Variants in PRRC2C observed in about 807,000 individuals in gnomAD.
PRRC2C encodes the protein proline rich coiled-coil 2C.
In PRRC2C, 72 loss-of-function variants were observed where a neutral mutation model predicts 317.2. That is an observed-to-expected ratio of 0.23 (90% CI 0.19 to 0.28). The LOEUF (loss-of-function observed/expected upper bound fraction) is 0.28. Ranked by LOEUF, PRRC2C falls within the 10% of genes least tolerant of loss-of-function variation. The pLI, the probability that PRRC2C is intolerant of heterozygous loss-of-function variation, is 1.00. For missense variants in PRRC2C, 3,074 were observed against 3,459.7 expected, an observed-to-expected ratio of 0.89 and a Z score of 2.80; for synonymous variants, 1,296 against 1,205.9, an observed-to-expected ratio of 1.07 and a Z score of -1.55.
chr1:171,546,605 G>T (rs1055871391), intron 17 of PRRC2C, among the ~76,000 whole-genome samples: 4 of 152,074 alleles, frequency 2.6e-5, no homozygotes, highest in African/African-American at 9.7e-5. Flanking sequence ...TTGTTTGTTT[G>T]TTTGTTTGTT....
chr1:171,507,625 C>G (rs1211049197), intron 1 of PRRC2C, among the ~76,000 whole-genome samples: 1 of 151,920 alleles, frequency 6.6e-6, no homozygotes, highest in Non-Finnish European at 1.5e-5. Flanking sequence ...AAAAAAAAAT[C>G]TCTACCTAAT....
At chr1:171,582,868 AAAC>A (rs1481280990) in intron 28 of PRRC2C, among the ~76,000 whole-genome samples, 64 of 151,616 alleles carry the variant, frequency 4.2e-4, no homozygotes, top group Admixed American at 1.3e-3. Flanking sequence ...AAAAAAAAAA[AAAC>A]AAATTTTTCT....
rs1236824468 is a variant in PRRC2C at position 171,533,044 on chromosome 1, A to G, written c.1873+83A>G. The G allele has an allele frequency of 3.9e-6, 5 of 1,285,218 alleles. No individual in the cohort carries two copies. The African/African-American group carries it at 6.1e-5, about 16-fold the overall frequency. 79.6% of individuals were successfully genotyped at this position (1,285,218 alleles called of 1,614,324 possible). On this transcript the variant is annotated intron_variant, in intron 12 of 34. Transcript: ENST00000647382. ...ACAGTTTGGGGTTTGTATATTTTAA[A>G]TATATGTAATCAATATAAAAGTGAT...
chr1:171,589,335 G>A (rs1394841384), intron 33 of PRRC2C, 34 bp from the exon 34 acceptor site: 3 of 647,444 alleles, frequency 4.6e-6, no homozygotes, highest in Non-Finnish European at 6.8e-6. Context: ...TTTTTTAACA[G>A]TTCAATGTTG....
chr1:171,560,492 C>T (rs1166113000), intron 19 of PRRC2C, among the ~76,000 whole-genome samples: 1 of 152,200 alleles, frequency 6.6e-6, no homozygotes, highest in Non-Finnish European at 1.5e-5. Context: ...GTTGATGTTA[C>T]AGACTTCATT....
chr1:171,502,731 A>G (rs1458649034), intron 1 of PRRC2C, among the ~76,000 whole-genome samples: 2 of 152,080 alleles, frequency 1.3e-5, no homozygotes, highest in Non-Finnish European at 2.9e-5. Context: ...AAGGACGTTG[A>G]TTGTTGTTAT....
At chr1:171,545,125 A>G (rs1483644522) in intron 16 of PRRC2C, among the ~76,000 whole-genome samples, 2 of 152,220 alleles carry the variant, frequency 1.3e-5, no homozygotes, top group East Asian at 3.8e-4. Flanking sequence ...GAGAGCATCC[A>G]TTTGTGAATA....
chr1:171,579,548 TAG>T, intron 27 of PRRC2C, 82 bp downstream of exon 27: 1 of 1,491,176 alleles, frequency 6.7e-7, no homozygotes, highest in South Asian at 1.4e-5. Flanking sequence ...ACATAAATAA[TAG>T]ACTCTGAAAT....
intron 20 of PRRC2C, among the ~76,000 whole-genome samples, chr1:171,561,350 G>T (rs1197760103): frequency 6.6e-6 from 1 of 152,188 alleles, no homozygotes; most frequent in African/African-American, 2.4e-5. Context: ...CTACTCTGGA[G>T]CTGAGGTTGG....
intron 11 of PRRC2C, among the ~76,000 whole-genome samples, chr1:171,532,076 AGCAAATACTGAATG>A (rs1571834411): frequency 6.6e-6 from 1 of 152,206 alleles, no homozygotes; most frequent in Admixed American, 6.5e-5. Context: ...AGTTTTATTC[AGCAAATACTGAATG>A]AGCAACAACG....
chr1:171,564,663 C>T (rs1309694186), intron 20 of PRRC2C, among the ~76,000 whole-genome samples: 1 of 152,202 alleles, frequency 6.6e-6, no homozygotes, highest in African/African-American at 2.4e-5. Context: ...TAGCCTATGG[C>T]TTCTAGGCTA....
At chr1:171,488,988 A>G (rs925945405) in intron 1 of PRRC2C, among the ~76,000 whole-genome samples, 4 of 152,202 alleles carry the variant, frequency 2.6e-5, no homozygotes, top group African/African-American at 9.6e-5. Flanking sequence ...ACATAGCAAT[A>G]TGTACTACAT....
intron 5 of PRRC2C, 23 bp downstream of exon 5, chr1:171,515,882 A>G: frequency 6.4e-7 from 1 of 1,565,486 alleles, no homozygotes; most frequent in Non-Finnish European, 8.6e-7. Flanking sequence ...TCTCTTTAAT[A>G]CAAAATGAGA....
At chr1:171,520,193 C>G (rs1337946492) in intron 6 of PRRC2C, among the ~76,000 whole-genome samples, 2 of 152,182 alleles carry the variant, frequency 1.3e-5, no homozygotes, top group African/African-American at 4.8e-5. Context: ...GATCTCCTGA[C>G]TTGAGGTGAT....
chr1:171,530,019 T>A (rs930371616), intron 11 of PRRC2C, among the ~76,000 whole-genome samples: 1 of 152,124 alleles, frequency 6.6e-6, no homozygotes, highest in Non-Finnish European at 1.5e-5. Context: ...CATTTCTGCG[T>A]ACACAGAAAC....
intron 11 of PRRC2C, among the ~76,000 whole-genome samples, chr1:171,530,225 G>A (rs1675520859): frequency 6.9e-6 from 1 of 145,828 alleles, no homozygotes; most frequent in Non-Finnish European, 1.5e-5. Context: ...TACATCTGAC[G>A]AAGGACTTGT....
intron 1 of PRRC2C, among the ~76,000 whole-genome samples, chr1:171,487,766 A>G (rs867926064): frequency 4.6e-5 from 7 of 152,298 alleles, no homozygotes; most frequent in Middle Eastern, 3.4e-3. Context: ...AAGGTCAACT[A>G]ATAGTGGAGG....
In PRRC2C at chr1:171,591,879, G is replaced by GC; in HGVS notation, c.*32_*33insC. On this transcript the variant is annotated 3_prime_UTR_variant, in exon 35 of 35. Coordinates refer to ENST00000647382, the MANE Select transcript of PRRC2C (RefSeq NM_001387844.1). ...TGGTTTATTGCAGGGGATTGGGAGG[G>GC]GGGCGGGAAAACATGGAGAATTAAG... 1.7e-6 allele frequency: 1 copy of GC among 592,036 alleles called. No individual in the cohort carries two copies. The highest frequency in any genetic ancestry group is 2.9e-6 in the Non-Finnish European group (1 of 345,184). The allele number at this position is 592,036 out of a possible 1,614,324, so 36.7% of individuals were successfully genotyped here. A position where few individuals can be genotyped will look rare whatever the true frequency, so the allele number is the denominator to read the frequency against.
chr1:171,587,638 T>C lies in PRRC2C; in HGVS notation c.7969-10T>C, dbSNP rs776797335. The C allele has an allele frequency of 6.4e-7, 1 of 1,561,492 alleles. No homozygotes were observed. The highest frequency in any genetic ancestry group is 1.7e-5 in the Admixed American group (1 of 59,490). ...AAGAAATGTTAAGTTTATTTTATGC[T>C]TCTCCTCAGATGTCTGAAATGGAAC... On this transcript the variant is annotated splice_polypyrimidine_tract_variant and intron_variant, in intron 31 of 34. Transcript: ENST00000647382.
Sources: allele counts gnomAD v4.1 joint callset (sites outside exome capture counted in the v4.1 genomes callset), GRCh38; gene constraint gnomAD v4.1.1; transcripts MANE v1.5; gene names NCBI Gene and HGNC (gene_info 2026-07-23, HGNC 2026-07-21).